BYSL: variants seen among roughly 807,000 people sequenced by gnomAD.
BYSL encodes the protein bystin like, also known as bystin.
BYSL carries 21 observed loss-of-function variants against 45.4 expected under a neutral mutation model. The observed-to-expected ratio is 0.46, with a 90% confidence interval of 0.33 to 0.67. The LOEUF is 0.67. Ranked by LOEUF, BYSL falls within the 30% of genes least tolerant of loss-of-function variation. BYSL has a pLI of 0.02. For missense variants in BYSL, 522 were observed against 578.5 expected (o/e 0.90, Z 1.00); for synonymous variants, 215 against 231.3 (o/e 0.93, Z 0.64).
At chr6:41,908,781 C>G in the BYSL span, among the ~76,000 whole-genome samples, 13 of 152,114 alleles carry the variant, frequency 8.5e-5, no homozygotes, top group African/African-American at 2.2e-4. Context: ...TACTTGCCAG[C>G]TGTGTTAGAG....
the BYSL span, among the ~76,000 whole-genome samples, chr6:41,910,999 C>T: frequency 9.9e-5 from 15 of 151,486 alleles, no homozygotes; most frequent in African/African-American, 2.9e-4. Flanking sequence ...ATCCCAGCTA[C>T]TCGGGAGGCT....
chr6:41,921,447 G>T (rs151229263), upstream of BYSL: 10,674 of 1,398,392 alleles, frequency 7.6e-3, 186 homozygotes, highest in South Asian at 0.058. Flanking sequence ...CCGAATGCTA[G>T]GGGGCGCTGT....
At chr6:41,929,774 C>A (rs955515086) in intron 2 of BYSL, among the ~76,000 whole-genome samples, 1 of 152,184 alleles carries the variant, frequency 6.6e-6, no homozygotes, top group African/African-American at 2.4e-5. Flanking sequence ...CCCTATTTTA[C>A]AAATGAGGAA....
At chr6:41,922,414 G>T (rs999109589) in intron 1 of BYSL, among the ~76,000 whole-genome samples, 3 of 152,200 alleles carry the variant, frequency 2.0e-5, no homozygotes, top group African/African-American at 7.2e-5. Flanking sequence ...ATTGAAAGAC[G>T]TCTGATGTTT....
At chr6:41,920,794 A>G, upstream of BYSL, 2 of 520,942 alleles carry the variant, frequency 3.8e-6, no homozygotes, top group Non-Finnish European at 6.5e-6. Flanking sequence ...AAAACAAAAA[A>G]AAAACCTTTG....
intron 3 of BYSL, 174 bp from the exon 4 acceptor site, chr6:41,930,455 GGTCGGT>G: frequency 8.3e-7 from 1 of 1,211,604 alleles, no homozygotes; most frequent in Non-Finnish European, 1.1e-6. Flanking sequence ...GGCATCCTTG[GGTCGGT>G]TACTGGAACT....
the BYSL span, among the ~76,000 whole-genome samples, chr6:41,915,498 A>AAC: frequency 2.0e-5 from 3 of 151,786 alleles, no homozygotes; most frequent in Non-Finnish European, 4.4e-5. Context: ...ATCTCTTAAA[A>AAC]ACACACACGC....
At chr6:41,927,318 C>A (rs779744979) in intron 1 of BYSL, 56 bp from the exon 2 acceptor site, 66 of 1,594,794 alleles carry the variant, frequency 4.1e-5, no homozygotes, top group Non-Finnish European at 5.4e-5. Flanking sequence ...GTTAAACTGA[C>A]GAAATCCCTC....
At chr6:41,916,800 T>C, upstream of BYSL, 1 of 1,613,998 alleles carries the variant, frequency 6.2e-7, no homozygotes, top group Non-Finnish European at 8.5e-7. Flanking sequence ...CTGCCAAGGG[T>C]AGAGGCGGCC....
the BYSL span, among the ~76,000 whole-genome samples, chr6:41,911,976 C>T: frequency 1.2e-3 from 188 of 152,116 alleles, 1 homozygote; most frequent in African/African-American, 3.8e-3. Context: ...TCTTAAAAGT[C>T]AACTAAGGGG....
chr6:41,931,270 C>A, intron 4 of BYSL, 126 bp from the exon 5 acceptor site: 1 of 1,107,140 alleles, frequency 9.0e-7, no homozygotes, highest in Non-Finnish European at 1.3e-6. Context: ...CACACATCCC[C>A]CACTGAAAGA....
intron 2 of BYSL, among the ~76,000 whole-genome samples, chr6:41,928,150 A>T (rs1450506833): frequency 6.6e-6 from 1 of 152,192 alleles, no homozygotes; most frequent in African/African-American, 2.4e-5. Flanking sequence ...AATAAATGCT[A>T]GCTCCAAAAC....
Position 41,927,395 on chromosome 6 carries a change from G to A in BYSL, c.290G>A (p.Gly97Glu), listed in dbSNP as rs776887996. 13 of 1,614,030 alleles carry A rather than the reference G, an allele frequency of 8.1e-6. No individual in the cohort carries two copies. Among genetic ancestry groups the A allele is most frequent in the Middle Eastern group, 1.6e-4 (1 of 6,084 alleles). ...TRLGPRMPQD[G>E]SDDEDEEWPT... ...CTAGGTCCAAGAATGCCTCAGGATG[G>A]ATCAGATGACGAGGACGAGGAGTGG... Residue 97 changes from glycine (G) to glutamate (E), a missense_variant, in exon 2 of 7, where the codon GGA (glycine) becomes GAA (glutamate). By Grantham distance (98) the Gly-to-Glu change is moderately conservative (BLOSUM62 -2). Coordinates refer to ENST00000230340, the MANE Select transcript of BYSL (RefSeq NM_004053.4).
chr6:41,931,127 C>T (rs892627450), intron 4 of BYSL, among the ~76,000 whole-genome samples: 4 of 151,054 alleles, frequency 2.6e-5, no homozygotes, highest in Admixed American at 6.6e-5. Flanking sequence ...GGCTACTCAA[C>T]TGATGCTGAG....
chr6:41,909,349 T>C, the BYSL span: 1 of 1,614,138 alleles, frequency 6.2e-7, no homozygotes, highest in Non-Finnish European at 8.5e-7. Flanking sequence ...TGGTACCTGG[T>C]GCCCCGGGTC....
At chr6:41,919,401 C>T (rs1025822208), upstream of BYSL, among the ~76,000 whole-genome samples, 2 of 152,202 alleles carry the variant, frequency 1.3e-5, no homozygotes, top group East Asian at 3.8e-4. Context: ...TCATAGATGA[C>T]ATTGCTTTAT....
intron 1 of BYSL, among the ~76,000 whole-genome samples, chr6:41,922,484 T>C (rs1447653298): frequency 6.6e-6 from 1 of 152,246 alleles, no homozygotes; most frequent in East Asian, 1.9e-4. Flanking sequence ...AGATCTCATC[T>C]AAAGCAATAT....
chr6:41,917,627 C>T, upstream of BYSL: 1 of 388,290 alleles, frequency 2.6e-6, no homozygotes. Flanking sequence ...CAATGAACTT[C>T]CTATCACAGG....
chr6:41,909,406 C>G, the BYSL span: 2 of 1,614,218 alleles, frequency 1.2e-6, no homozygotes, highest in African/African-American at 2.7e-5. Context: ...TTGAGCTTCA[C>G]CATAAGCACA....
Sources: gnomAD v4.1 joint callset for allele counts (sites outside exome capture counted in the v4.1 genomes callset) on GRCh38, gnomAD v4.1.1 for gene constraint, MANE v1.5 for transcripts, NCBI Gene and HGNC (gene_info 2026-07-23, HGNC 2026-07-21) for gene names.